CHRNG: variants seen among roughly 807,000 people sequenced by gnomAD.
CHRNG encodes the protein cholinergic receptor nicotinic gamma subunit.
In CHRNG, 72 loss-of-function variants were observed where a neutral mutation model predicts 65.2. That is an observed-to-expected ratio of 1.10 (90% confidence interval 0.91 to 1.34). The LOEUF is 1.34. CHRNG is among the 40% of genes most tolerant of loss of function. The probability of loss-of-function intolerance (pLI) is 0.00; values close to 1 mark genes in which losing one functional copy is unlikely to be tolerated. For missense variants in CHRNG, 637 were observed against 680.1 expected (o/e 0.94, Z 0.70); for synonymous variants, 284 against 290.2 (o/e 0.98, Z 0.22).
In CHRNG at chr2:232,543,047, CT is replaced by C. The variant is rs1336076668; in HGVS notation, c.771del (p.Val258SerfsTer52). 1 of 1,614,252 alleles carries C rather than the reference CT, an allele frequency of 6.2e-7. No individual in the cohort carries two copies. Among genetic ancestry groups the C allele is most frequent in the Non-Finnish European group, 8.5e-7 (1 of 1,180,030 alleles). ...NIIAPCVLISSVAILIHFLPA... is the reference protein window; with the variant it reads ...NIIAPCVLISXVAILIHFLPA... Reference sequence around the variant, plus strand: ...ATCGCCCCCTGTGTGCTCATCTCCTCTGTCGCCATCCTCATCCACTTCCTTC... The same window carrying C: ...ATCGCCCCCTGTGTGCTCATCTCCTCGTCGCCATCCTCATCCACTTCCTTC... On this transcript the variant is annotated frameshift_variant, in exon 7 of 12. Coordinates refer to ENST00000651502, the MANE Select transcript of CHRNG (RefSeq NM_005199.5). LOFTEE classifies it high-confidence loss of function.
At position 232,544,815 on chromosome 2, in the gene CHRNG, G is replaced by C. The variant is rs759881185; in HGVS notation, c.1293G>C (p.Leu431=). 2.0e-5 allele frequency: 33 copies of C among 1,613,820 alleles called. No individual in the cohort carries two copies. The highest frequency in any genetic ancestry group is 2.7e-5 in the Non-Finnish European group (32 of 1,179,988). ...ELGLSQFCGS[L]KQAAPAIQAC... is the part of the protein sequence containing the mutation. ...GGCTGAGCCAGTTCTGTGGCAGCCTGAAGCAGGCTGCCCCAGCCATCCAGG... is the reference window on the plus strand; with the variant it reads ...GGCTGAGCCAGTTCTGTGGCAGCCTCAAGCAGGCTGCCCCAGCCATCCAGG... Residue 431 remains leucine, a synonymous_variant, in exon 11 of 12, where the codon CTG becomes CTC. Transcript: ENST00000651502.
rs1429403732 is a variant in CHRNG, at chr2:232,546,306, CTCTTTT to C, written c.*592_*597del. 3.9e-4 allele frequency: 52 copies of C among 132,656 alleles called. No individual in the cohort carries two copies. Among genetic ancestry groups the C allele is most frequent in the South Asian group, 9.6e-4 (4 of 4,146 alleles). The allele number at this position is 132,656 out of a possible 1,614,324, so 8.2% of individuals were successfully genotyped here. A position where few individuals can be genotyped will look rare whatever the true frequency, so the allele number is the denominator to read the frequency against. On this transcript the variant is annotated 3_prime_UTR_variant, in exon 12 of 12. Transcript: ENST00000651502. ...AGACGATTTCCTGAGTTTTGTAATC[CTCTTTT>C]TTTTTTTTTTTTTTTTAGTTTTTGA...
In CHRNG at chr2:232,542,874, G is replaced by T. The variant is rs757713343; in HGVS notation, c.605-8G>T. On this transcript the variant is annotated splice_region_variant and splice_polypyrimidine_tract_variant and intron_variant, in intron 6 of 11. Coordinates refer to ENST00000651502, the MANE Select transcript of CHRNG (RefSeq NM_005199.5). ...TGTGCCCACTCCTGCCTGCCTGCCT[G>T]CCCGCAGAGAATGGGGAGTGGGCCA... The T allele has an allele frequency of 1.2e-6, 2 of 1,611,604 alleles. No individual in the cohort carries two copies. The highest frequency in any genetic ancestry group is 4.5e-5 in the East Asian group (2 of 44,864).
intron 9 of CHRNG, 74 bp from the exon 10 acceptor site, chr2:232,544,293 A>C: frequency 2.6e-6 from 3 of 1,136,462 alleles, no homozygotes; most frequent in Non-Finnish European, 4.0e-6. Flanking sequence ...TAGCAGCACA[A>C]GCCCTTCACG....
In CHRNG at chr2:232,545,663, C is replaced by T; in HGVS notation, c.1501C>T (p.Pro501Ser). 6.2e-7 allele frequency: 1 copy of T among 1,614,144 alleles called. No individual in the cohort carries two copies. Among genetic ancestry groups the T allele is most frequent in the Non-Finnish European group, 8.5e-7 (1 of 1,180,024 alleles). Residue 501 changes from proline to serine, a missense_variant, in exon 12 of 12, where the codon CCG (proline) becomes TCG (serine). Physicochemically the swap from Pro to Ser is moderately conservative, Grantham distance 74. Coordinates refer to ENST00000651502, the MANE Select transcript of CHRNG (RefSeq NM_005199.5). ...IFLMAHYNRV[P>S]ALPFPGDPRP... is the part of the protein sequence containing the mutation. ...CCTCATGGCCCACTACAACCGGGTG[C>T]CGGCCCTGCCATTCCCTGGAGATCC...
intron 5 of CHRNG, 53 bp from the exon 6 acceptor site, chr2:232,542,370 G>A: frequency 8.3e-7 from 1 of 1,208,488 alleles, no homozygotes; most frequent in East Asian, 2.3e-5. Flanking sequence ...TCCCCATGCA[G>A]TCGTGGCAGG....
At position 232,540,720 on chromosome 2, in the gene CHRNG, G is replaced by T; in HGVS notation, c.350+9G>T. On this transcript the variant is annotated intron_variant, in intron 4 of 11. Transcript: ENST00000651502. The surrounding 1 kb of genome is among the most constrained non-coding windows in gnomAD (Gnocchi z 4.2). ...ATCGTGCTGGAGAACAAGTGAGGAG[G>T]GGGTGCAGGCAGGGGTGTGGGGGAC... The T allele has an allele frequency of 1.2e-6, 2 of 1,608,314 alleles. No homozygotes were observed. Among genetic ancestry groups the T allele is most frequent in the South Asian group, 1.1e-5 (1 of 90,658 alleles).
chr2:232,542,664 A>G, intron 6 of CHRNG, 144 bp downstream of exon 6: 2 of 736,014 alleles, frequency 2.7e-6, no homozygotes, highest in Non-Finnish European at 4.8e-6. Flanking sequence ...TGCTTTTTAA[A>G]ACGTCCAACA....
Position 232,546,041 on chromosome 2 carries a change from G to A in CHRNG, c.*325G>A, listed in dbSNP as rs951331657. 17 of 447,340 alleles carry A rather than the reference G, an allele frequency of 3.8e-5. No individual in the cohort carries two copies. Among genetic ancestry groups the A allele is most frequent in the East Asian group, 3.3e-4 (7 of 21,026 alleles). 27.7% of individuals were successfully genotyped at this position (447,340 alleles called of 1,614,324 possible). On this transcript the variant is annotated 3_prime_UTR_variant, in exon 12 of 12. Transcript: ENST00000651502. The stretch of plus-strand genomic sequence containing the variant: ...ATTCATTCCCATCAGTCTGAAGCCC[G>A]AAGGACTGTTTTGTATAATACCTTC...
At position 232,540,539 on chromosome 2, in the gene CHRNG, C is replaced by G; in HGVS notation, c.241-63C>G. ...CTCTTCTGTCCTCTTGGGCTGGATG[C>G]CCACTCCTAGGGCTGTGGTGCAGCA... On this transcript the variant is annotated intron_variant, in intron 3 of 11. Coordinates refer to ENST00000651502, the MANE Select transcript of CHRNG (RefSeq NM_005199.5). This position sits in a 1 kb window ranked among gnomAD's most constrained non-coding sequence, Gnocchi z 4.2. 6.3e-7 allele frequency: 1 copy of G among 1,598,590 alleles called. No homozygotes were observed. Among genetic ancestry groups the G allele is most frequent in the Non-Finnish European group, 8.5e-7 (1 of 1,172,690 alleles).
chr2:232,544,477 G>A lies in CHRNG; in HGVS notation c.1146G>A (p.Ser382=), dbSNP rs200065628. ...TACAGAATGGCTCCTCGGGATGGTC[G>A]ATCACAACTGGGGAGGAGGTGGCCC... ...SRLQNGSSGW[S]ITTGEEVALC... The change falls in exon 10 of 12, where the codon TCG becomes TCA. Residue 382 remains serine (S), a synonymous_variant. Coordinates refer to ENST00000651502, the MANE Select transcript of CHRNG (RefSeq NM_005199.5). 32 of 1,613,612 alleles carry A rather than the reference G, an allele frequency of 2.0e-5. No homozygotes were observed. Among genetic ancestry groups the A allele is most frequent in the African/African-American group, 1.1e-4 (8 of 74,920 alleles).
chr2:232,540,087 G>C lies in CHRNG; in HGVS notation c.151G>C (p.Val51Leu). The change falls in exon 2 of 12, where the codon GTC becomes CTC. Residue 51 changes from valine (V) to leucine (L), a missense_variant. Physicochemically the swap from Val to Leu is conservative, Grantham distance 32. Transcript: ENST00000651502. This position sits in a 1 kb window ranked among gnomAD's most constrained non-coding sequence, Gnocchi z 4.2. Reference sequence around the variant, plus strand: ...GCCCGCGGAACGAGACTCGGATGTGGTCAATGTCAGCCTGAAGCTAACCCT... The same window carrying C: ...GCCCGCGGAACGAGACTCGGATGTGCTCAATGTCAGCCTGAAGCTAACCCT... ...LRPAERDSDV[V>L]NVSLKLTLTN... The C allele has an allele frequency of 6.2e-7, 1 of 1,614,216 alleles. No individual in the cohort carries two copies. The highest frequency in any genetic ancestry group is 8.5e-7 in the Non-Finnish European group (1 of 1,180,024).
At position 232,541,166 on chromosome 2, in the gene CHRNG, C is replaced by T. The variant is rs139863391; in HGVS notation, c.351-208C>T. Among the ~76,000 whole-genome samples the T allele has an allele frequency of 6.9e-4, 103 of 148,794 alleles. 1 individual carries two copies. Among genetic ancestry groups the T allele is most frequent in the African/African-American group, 2.5e-3 (101 of 40,124 alleles). ...GATAAGCAGAAATTAGGAGGTGGTG[C>T]CTGAGGAAGTCTGTCTGGGGCGGGG... On this transcript the variant is annotated intron_variant, in intron 4 of 11. Transcript: ENST00000651502. This position sits in a 1 kb window ranked among gnomAD's most constrained non-coding sequence, Gnocchi z 4.0.
In CHRNG at chr2:232,542,974, T is replaced by G. The variant is rs1692048007; in HGVS notation, c.697T>G (p.Phe233Val). ...GGAAGCAGGCCACCAGAAGGTGGTG[T>G]TCTACCTGCTCATCCAGCGCAAGCC... Reference protein sequence around the residue: ...AQEAGHQKVVFYLLIQRKPLF... With the variant: ...AQEAGHQKVVVYLLIQRKPLF... The change falls in exon 7 of 12, where the codon TTC becomes GTC. Residue 233 changes from phenylalanine to valine, a missense_variant. Phe to Val is a conservative substitution (Grantham distance 50, BLOSUM62 -1). Coordinates refer to ENST00000651502, the MANE Select transcript of CHRNG (RefSeq NM_005199.5). 1 of 1,613,962 alleles carries G rather than the reference T, an allele frequency of 6.2e-7. No homozygotes were observed.
Position 232,540,721 on chromosome 2 carries a change from G to A in CHRNG, c.350+10G>A, listed in dbSNP as rs760901883. On this transcript the variant is annotated intron_variant, in intron 4 of 11. Coordinates refer to ENST00000651502, the MANE Select transcript of CHRNG (RefSeq NM_005199.5). This position sits in a 1 kb window ranked among gnomAD's most constrained non-coding sequence, Gnocchi z 4.2. ...TCGTGCTGGAGAACAAGTGAGGAGG[G>A]GGTGCAGGCAGGGGTGTGGGGGACA... is the stretch of plus-strand genomic sequence containing the variant. 5 of 1,607,732 alleles carry A rather than the reference G, an allele frequency of 3.1e-6. No homozygotes were observed. The African/African-American group carries it at 5.3e-5, about 17-fold the overall frequency.
Position 232,545,910 on chromosome 2 carries a change from G to A in CHRNG, c.*194G>A, listed in dbSNP as rs975418556. The A allele has an allele frequency of 8.9e-5, 61 of 687,192 alleles. No homozygotes were observed. The highest frequency in any genetic ancestry group is 1.4e-4 in the East Asian group (5 of 36,808). The allele number at this position is 687,192 out of a possible 1,614,324, so 42.6% of individuals were successfully genotyped here. ...GTCCGAGAGTGGTTGGGGGTGGGCC[G>A]TGGCTAGTGTCCTGCTGCAGTCAGC... On this transcript the variant is annotated 3_prime_UTR_variant, in exon 12 of 12. Coordinates refer to ENST00000651502, the MANE Select transcript of CHRNG (RefSeq NM_005199.5).
At position 232,540,361 on chromosome 2, in the gene CHRNG, C is replaced by G. The variant is rs1389332291; in HGVS notation, c.196-20C>G. On this transcript the variant is annotated intron_variant, in intron 2 of 11. Coordinates refer to ENST00000651502, the MANE Select transcript of CHRNG (RefSeq NM_005199.5). This position sits in a 1 kb window ranked among gnomAD's most constrained non-coding sequence, Gnocchi z 4.2. ...GAAGTCGGGGGCTGAGCCCTCCATA[C>G]TACACCCTTGCACCCCCAGAACGAG... 6.2e-7 allele frequency: 1 copy of G among 1,613,896 alleles called. No individual in the cohort carries two copies. The highest frequency in any genetic ancestry group is 8.5e-7 in the Non-Finnish European group (1 of 1,179,934).
chr2:232,544,045 G>A (rs1298685337), intron 9 of CHRNG, among the ~76,000 whole-genome samples: 1 of 152,210 alleles, frequency 6.6e-6, no homozygotes, highest in Non-Finnish European at 1.5e-5. Flanking sequence ...CAGTCTGTGT[G>A]ATCTGTAGCC....
Position 232,542,971 on chromosome 2 carries a change from G to A in CHRNG, c.694G>A (p.Val232Met). The change falls in exon 7 of 12, where the codon GTG becomes ATG. Residue 232 changes from valine (V) to methionine (M), a missense_variant. Transcript: ENST00000651502. ...PAQEAGHQKVVFYLLIQRKPL... is the reference protein window; with the variant it reads ...PAQEAGHQKVMFYLLIQRKPL... ...CCAGGAAGCAGGCCACCAGAAGGTG[G>A]TGTTCTACCTGCTCATCCAGCGCAA... 1 of 1,614,184 alleles carries A rather than the reference G, an allele frequency of 6.2e-7. No homozygotes were observed. Among genetic ancestry groups the A allele is most frequent in the Non-Finnish European group, 8.5e-7 (1 of 1,179,986 alleles).
Sources: allele counts gnomAD v4.1 joint callset (sites outside exome capture counted in the v4.1 genomes callset), GRCh38; gene constraint gnomAD v4.1.1; non-coding constraint Gnocchi (gnomAD v3.1); transcripts MANE v1.5; gene names NCBI Gene and HGNC (gene_info 2026-07-23, HGNC 2026-07-21).